The following CLOCK variants were observed in gnomAD, a reference collection of about 807,000 sequenced individuals.
CLOCK encodes circadian locomoter output cycles protein kaput.
CLOCK carries 43 observed loss-of-function variants against 118.4 expected under a neutral mutation model. That is an observed-to-expected ratio of 0.36 (90% confidence interval 0.28 to 0.47). The LOEUF is 0.47. CLOCK is among the 20% of genes least tolerant of loss of function. CLOCK has a pLI of 1.00. For synonymous variants in CLOCK, 326 were observed against 339.2 expected (o/e 0.96, Z 0.43); for missense variants, 846 against 999.9 (o/e 0.85, Z 2.08).
chr4:55,538,147 T>C (rs1731024674), intron 1 of CLOCK, among the ~76,000 whole-genome samples: 1 of 152,198 alleles, frequency 6.6e-6, no homozygotes, highest in African/African-American at 2.4e-5. Flanking sequence ...TTTCTACAGA[T>C]ATTAAAAGAA....
At position 55,438,377 on chromosome 4, in the gene CLOCK, G is replaced by T; in HGVS notation, c.2266C>A (p.Gln756Lys). Residue 756 changes from glutamine to lysine, a missense_variant, in exon 22 of 23, where the codon CAG becomes AAG. Physicochemically the swap from Gln to Lys is moderately conservative, Grantham distance 53 (BLOSUM62 1). Transcript: ENST00000513440. ...TCCTGGGAGCTCTGCTGCTGCTGCTGCTGCGTTACTGACAATGTCTGTGAC... is the reference window on the plus strand; with the variant it reads ...TCCTGGGAGCTCTGCTGCTGCTGCTTCTGCGTTACTGACAATGTCTGTGAC... ...QQSQTLSVTQQQQQQSSQEQQ... is the reference protein window; with the variant it reads ...QQSQTLSVTQKQQQQSSQEQQ... 1 of 1,613,888 alleles carries T rather than the reference G, an allele frequency of 6.2e-7. No homozygotes were observed. Among genetic ancestry groups the T allele is most frequent in the Non-Finnish European group, 8.5e-7 (1 of 1,179,924 alleles).
intron 1 of CLOCK, among the ~76,000 whole-genome samples, chr4:55,522,821 G>A (rs1425001165): frequency 6.6e-6 from 1 of 151,926 alleles, no homozygotes; most frequent in Non-Finnish European, 1.5e-5. Context: ...ATTTACTTCT[G>A]AACCATATAA....
At chr4:55,474,161 G>C (rs1341945739) in intron 7 of CLOCK, among the ~76,000 whole-genome samples, 1 of 152,108 alleles carries the variant, frequency 6.6e-6, no homozygotes, top group Non-Finnish European at 1.5e-5. Flanking sequence ...AAGTTTTAGT[G>C]AACACATGTA....
At chr4:55,488,130 C>T (rs750273052) in intron 3 of CLOCK, among the ~76,000 whole-genome samples, 10 of 152,142 alleles carry the variant, frequency 6.6e-5, no homozygotes, top group Non-Finnish European at 7.3e-5. Flanking sequence ...CTCTATTTGA[C>T]CGTTAAGCAA....
rs1725542795 is a variant in CLOCK, at chr4:55,463,865, A to G, written c.439-60T>C. On this transcript the variant is annotated intron_variant, in intron 8 of 22. Transcript: ENST00000513440. ...AATGATTCAAGAGACAATTGCTTTA[A>G]AAGTACATAATCGCTATTAAACACA... The G allele has an allele frequency of 5.7e-5, 87 of 1,516,074 alleles. 3 individuals carry two copies. The South Asian group carries it at 9.9e-4, about 17-fold the overall frequency. 93.9% of individuals were successfully genotyped at this position (1,516,074 alleles called of 1,614,324 possible). A position where few individuals can be genotyped will look rare whatever the true frequency, so the allele number is the denominator to read the frequency against.
intron 2 of CLOCK, among the ~76,000 whole-genome samples, chr4:55,508,596 T>A (rs1307806926): frequency 1.2e-5 from 1 of 85,150 alleles, no homozygotes; most frequent in East Asian, 2.4e-4. Flanking sequence ...ACGGGTAAAT[T>A]TTTTTTTTTT....
chr4:55,479,339 C>T (rs13122619), intron 5 of CLOCK, among the ~76,000 whole-genome samples: 2 of 151,848 alleles, frequency 1.3e-5, no homozygotes, highest in Non-Finnish European at 2.9e-5. Flanking sequence ...AGTAAACAAA[C>T]AGCTATTGAG....
intron 18 of CLOCK, among the ~76,000 whole-genome samples, chr4:55,445,730 A>C (rs1723790915): frequency 6.6e-6 from 1 of 151,172 alleles, no homozygotes; most frequent in African/African-American, 2.4e-5. Flanking sequence ...GGCTGGGACT[A>C]CAGGCATGCA....
At chr4:55,504,288 A>G (rs1024220386) in intron 2 of CLOCK, among the ~76,000 whole-genome samples, 1 of 139,592 alleles carries the variant, frequency 7.2e-6, no homozygotes, top group Non-Finnish European at 1.7e-5. Flanking sequence ...TCCATCAAAA[A>G]AAAAAAAAAA....
intron 1 of CLOCK, among the ~76,000 whole-genome samples, chr4:55,525,658 C>T (rs575869595): frequency 1.5e-4 from 23 of 151,948 alleles, no homozygotes; most frequent in African/African-American, 4.8e-4. Context: ...TTAGTAGACA[C>T]GGGGTTTCAC....
Position 55,459,209 on chromosome 4 carries a change from T to TG in CLOCK, c.611dup (p.Glu206GlyfsTer6). 1 of 1,612,882 alleles carries TG rather than the reference T, an allele frequency of 6.2e-7. No individual in the cohort carries two copies. Among genetic ancestry groups the TG allele is most frequent in the Non-Finnish European group, 8.5e-7 (1 of 1,178,938 alleles). Reference sequence around the variant, plus strand: ...CATATTCATAGGTAGATGGCTCCTTTGGGTCTATTGTTCCTCGCAGCATGT... The same window carrying TG: ...CATATTCATAGGTAGATGGCTCCTTTGGGGTCTATTGTTCCTCGCAGCATGT... On this transcript the variant is annotated frameshift_variant, in exon 10 of 23. Transcript: ENST00000513440. LOFTEE classifies it high-confidence loss of function.
chr4:55,461,117 G>A (rs568936907), intron 9 of CLOCK, among the ~76,000 whole-genome samples: 2 of 152,030 alleles, frequency 1.3e-5, no homozygotes, highest in African/African-American at 2.4e-5. Flanking sequence ...TTGTATAGAC[G>A]GTGTTTCACC....
In CLOCK at chr4:55,435,552, G is replaced by C. The variant is rs760839618; in HGVS notation, c.2404C>G (p.Leu802Val). 1.9e-6 allele frequency: 3 copies of C among 1,614,050 alleles called. No homozygotes were observed. In the Admixed American group the frequency reaches 5.0e-5, roughly 27 times the overall value. Reference protein sequence around the residue: ...LHGNPSTQLILSAAFPLQQST... With the variant: ...LHGNPSTQLIVSAAFPLQQST... ...TGTTGTAGAGGAAATGCAGCAGAGA[G>C]AATGAGTTGAGTTGAGGGATTCCCA... The change falls in exon 23 of 23, where the codon CTC becomes GTC. Residue 802 changes from leucine to valine, a missense_variant. Physicochemically the swap from Leu to Val is conservative, Grantham distance 32. This residue lies in a region of CLOCK where 520 missense variants were observed against 558.0 expected (regional missense o/e 0.93). Coordinates refer to ENST00000513440, the MANE Select transcript of CLOCK (RefSeq NM_004898.4).
At chr4:55,446,333 C>G (rs1421763760) in intron 18 of CLOCK, among the ~76,000 whole-genome samples, 2 of 151,984 alleles carry the variant, frequency 1.3e-5, no homozygotes, top group African/African-American at 4.8e-5. Context: ...AGGCAATCCT[C>G]CCACAAGCCA....
chr4:55,541,803 GA>G (rs1384339383), intron 1 of CLOCK, among the ~76,000 whole-genome samples: 1 of 151,464 alleles, frequency 6.6e-6, no homozygotes, highest in African/African-American at 2.4e-5. Flanking sequence ...AAAAACTACT[GA>G]AATAGCTATC....
In CLOCK at chr4:55,443,986, A is replaced by G. The variant is rs1723583849; in HGVS notation, c.1693-90T>C. The G allele has an allele frequency of 1.3e-5, 15 of 1,184,598 alleles. No homozygotes were observed. In the South Asian group the frequency reaches 1.6e-4, roughly 13 times the overall value. The allele number at this position is 1,184,598 out of a possible 1,614,324, so 73.4% of individuals were successfully genotyped here. A position where few individuals can be genotyped will look rare whatever the true frequency, so the allele number is the denominator to read the frequency against. On this transcript the variant is annotated intron_variant, in intron 19 of 22. Transcript: ENST00000513440. ...AGAAGGCAAAATCAAGCTACAAAGT[A>G]TGTTTAAAAAGCAAGTAACAAGGCT... is the stretch of plus-strand genomic sequence containing the variant.
chr4:55,536,009 G>A (rs200600004), intron 1 of CLOCK, among the ~76,000 whole-genome samples: 2 of 151,976 alleles, frequency 1.3e-5, no homozygotes, highest in East Asian at 3.9e-4. Flanking sequence ...ACACAGGGCT[G>A]GAATAACAAC....
chr4:55,546,187 A>T (rs1358104939), intron 1 of CLOCK, among the ~76,000 whole-genome samples: 1 of 151,982 alleles, frequency 6.6e-6, no homozygotes, highest in Non-Finnish European at 1.5e-5. Flanking sequence ...CTCTCTCGGC[A>T]CCCGGTCCCC....
intron 19 of CLOCK, among the ~76,000 whole-genome samples, chr4:55,444,360 A>C (rs1450632645): frequency 6.6e-6 from 1 of 152,182 alleles, no homozygotes; most frequent in Non-Finnish European, 1.5e-5. Flanking sequence ...GTAAAATATA[A>C]TTTTTATATT....
Sources: allele counts gnomAD v4.1 joint callset (sites outside exome capture counted in the v4.1 genomes callset), GRCh38; gene constraint gnomAD v4.1.1; regional missense constraint gnomAD v4.1.1; transcripts MANE v1.5; gene names NCBI Gene and HGNC (gene_info 2026-07-23, HGNC 2026-07-21).